The following TMPRSS13 variants were observed in gnomAD, a reference collection of about 807,000 sequenced individuals.
The protein encoded by TMPRSS13 is transmembrane protease serine 13.
In TMPRSS13, 50 loss-of-function variants were observed where a neutral mutation model predicts 68.4. The ratio of observed to expected loss-of-function variants is 0.73; its 90% confidence interval spans 0.58 to 0.93. The LOEUF is 0.93. Among genes scored for constraint, TMPRSS13 ranks in the 40% least tolerant of loss-of-function variants. The pLI is 0.00. For synonymous variants in TMPRSS13, 267 were observed against 285.8 expected, an observed-to-expected ratio of 0.93 and a Z score of 0.66; for missense variants, 615 against 729.2, an observed-to-expected ratio of 0.84 and a Z score of 1.80.
intron 5 of TMPRSS13, among the ~76,000 whole-genome samples, chr11:117,913,039 C>G (rs766666263): frequency 7.9e-5 from 12 of 152,252 alleles, no homozygotes; most frequent in Non-Finnish European, 1.3e-4. Context: ...AATCCTAACA[C>G]CCCACCCCAG....
At chr11:117,920,969 T>A (rs80151594) in intron 1 of TMPRSS13, among the ~76,000 whole-genome samples, 1,767 of 152,192 alleles carry the variant, frequency 0.012, 41 homozygotes, top group African/African-American at 0.04. Context: ...GATAAATGGG[T>A]GATACACATG....
chr11:117,920,680 AGTTTCACCAT>A (rs2057636028), intron 1 of TMPRSS13, among the ~76,000 whole-genome samples: 3 of 151,658 alleles, frequency 2.0e-5, no homozygotes. Context: ...GTAGAGATGG[AGTTTCACCAT>A]GTTGGCCAGG....
chr11:117,905,745 A>G lies in TMPRSS13; in HGVS notation c.1283-9T>C. ...AGCAGGGTGGATGTGAGCTGCAACA[A>G]GACCTCCAGACGTCAGTGAAGGAAC... On this transcript the variant is annotated splice_polypyrimidine_tract_variant and intron_variant, in intron 9 of 12. Transcript: ENST00000524993. 6.3e-7 allele frequency: 1 copy of G among 1,586,286 alleles called. No homozygotes were observed.
chr11:117,904,452 G>A (rs2057443447), intron 10 of TMPRSS13, among the ~76,000 whole-genome samples: 1 of 152,168 alleles, frequency 6.6e-6, no homozygotes, highest in Non-Finnish European at 1.5e-5. Context: ...TGGAAGCTAT[G>A]TGCCCTAAAG....
At position 117,915,054 on chromosome 11, in the gene TMPRSS13, C is replaced by T. The variant is rs2057563166; in HGVS notation, c.557-540G>A. On this transcript the variant is annotated intron_variant, in intron 3 of 12. Coordinates refer to ENST00000524993, the MANE Select transcript of TMPRSS13 (RefSeq NM_001077263.3). This position sits in a 1 kb window ranked among gnomAD's most constrained non-coding sequence, Gnocchi z 4.9. ...TTCTCCCTCTCCCCTGCGCAAGGGA[C>T]ACCTCTATGCTCAGTTCTTTCCCCA... 6.6e-6 allele frequency among the ~76,000 whole-genome samples: 1 copy of T among 152,236 alleles called. No individual in the cohort carries two copies. Among genetic ancestry groups the T allele is most frequent in the South Asian group, 2.1e-4 (1 of 4,838 alleles).
At position 117,914,493 on chromosome 11, in the gene TMPRSS13, G is replaced by C. The variant is rs775233755; in HGVS notation, c.578C>G (p.Thr193Arg). The C allele has an allele frequency of 1.2e-5, 19 of 1,613,868 alleles. No homozygotes were observed. The highest frequency in any genetic ancestry group is 1.0e-4 in the Admixed American group (6 of 60,000). ...IILFQFWQGH[T>R]GIRYKEQRES... is the part of the protein sequence containing the mutation. The stretch of plus-strand genomic sequence containing the variant: ...CCTCTGCTCCTTGTACCTGATCCCT[G>C]TGTGGCCCTGCCAGAACTGGACTAG... Residue 193 changes from threonine (T) to arginine (R), a missense_variant, in exon 4 of 13, where the codon ACA becomes AGA. Physicochemically the swap from Thr to Arg is moderately conservative, Grantham distance 71. Transcript: ENST00000524993. The surrounding 1 kb of genome is among the most constrained non-coding windows in gnomAD (Gnocchi z 4.2).
rs1025509114 is a variant in TMPRSS13 at position 117,922,382 on chromosome 11, G to A, written c.22-3544C>T. On this transcript the variant is annotated intron_variant, in intron 1 of 12. Coordinates refer to ENST00000524993, the MANE Select transcript of TMPRSS13 (RefSeq NM_001077263.3). The surrounding 1 kb of genome is among the most constrained non-coding windows in gnomAD (Gnocchi z 4.2). ...CCTGAGTACCTGGGACTACAGGCAC[G>A]CGCCACTGTGCCCAGCTAATTTTTG... Among the ~76,000 whole-genome samples the A allele has an allele frequency of 4.6e-5, 7 of 152,134 alleles. No individual in the cohort carries two copies. The highest frequency in any genetic ancestry group is 2.6e-4 in the Admixed American group (4 of 15,276).
Position 117,909,889 on chromosome 11 carries a change from A to C in TMPRSS13, c.1026T>G (p.Ser342Arg). 1 of 1,614,030 alleles carries C rather than the reference A, an allele frequency of 6.2e-7. No individual in the cohort carries two copies. The highest frequency in any genetic ancestry group is 1.1e-5 in the South Asian group (1 of 91,080). Residue 342 changes from serine (S) to arginine (R), a missense_variant, in exon 8 of 13, where the codon AGT becomes AGG. Ser to Arg is a moderately radical substitution (Grantham distance 110, BLOSUM62 -1). Coordinates refer to ENST00000524993, the MANE Select transcript of TMPRSS13 (RefSeq NM_001077263.3). ...ASDSKWPWQV[S>R]LHFGTTHICG... ...AGATGTGGGTGGTGCCGAAGTGCAGACTCACTTGCCAAGGCCACTTGCTAT... is the reference window on the plus strand; with the variant it reads ...AGATGTGGGTGGTGCCGAAGTGCAGCCTCACTTGCCAAGGCCACTTGCTAT...
intron 12 of TMPRSS13, chr11:117,903,387 G>A (rs2057427548): frequency 6.5e-7 from 1 of 1,533,918 alleles, no homozygotes; most frequent in Admixed American, 2.0e-5. Flanking sequence ...ATACTTCTGG[G>A]AGAACATCTG....
At chr11:117,913,239 C>T (rs1422839115) in intron 5 of TMPRSS13, among the ~76,000 whole-genome samples, 4 of 152,202 alleles carry the variant, frequency 2.6e-5, no homozygotes, top group Non-Finnish European at 4.4e-5. Context: ...TCACCTACTT[C>T]CTCCTCTACC....
chr11:117,907,940 T>C, intron 9 of TMPRSS13: 4 of 986,720 alleles, frequency 4.1e-6, no homozygotes, highest in Non-Finnish European at 3.6e-6. Context: ...TGACGTCCCC[T>C]GTCCACAGTG....
chr11:117,921,936 C>T (rs571834575), intron 1 of TMPRSS13, among the ~76,000 whole-genome samples: 30 of 152,284 alleles, frequency 2.0e-4, no homozygotes, highest in African/African-American at 7.0e-4. Context: ...CCGCTCCACC[C>T]CCTGACTCTG....
At chr11:117,903,582 G>T (rs1382907382) in intron 12 of TMPRSS13, 73 bp downstream of exon 12, 1 of 1,608,084 alleles carries the variant, frequency 6.2e-7, no homozygotes, top group South Asian at 1.1e-5. Context: ...TACAACCTGG[G>T]TGCTCCTCCA....
At chr11:117,907,472 T>A (rs1008208189) in intron 9 of TMPRSS13, 2 of 152,182 alleles carry the variant, frequency 1.3e-5, no homozygotes, top group African/African-American at 2.4e-5. Flanking sequence ...ACCGCCTCCA[T>A]AATTAATGTG....
At chr11:117,911,898 G>A (rs758764923) in intron 5 of TMPRSS13, 38 bp from the exon 6 acceptor site, 1 of 1,562,148 alleles carries the variant, frequency 6.4e-7, no homozygotes, top group Non-Finnish European at 8.8e-7. Context: ...GAGCCCCCTG[G>A]AGACAGAGTC....
At chr11:117,926,780 A>G (rs1006893957) in intron 1 of TMPRSS13, among the ~76,000 whole-genome samples, 2 of 152,194 alleles carry the variant, frequency 1.3e-5, no homozygotes, top group African/African-American at 2.4e-5. Flanking sequence ...GCTGAGGCAC[A>G]GGTAGAAGAA....
At chr11:117,927,180 T>C (rs1417116267) in intron 1 of TMPRSS13, among the ~76,000 whole-genome samples, 4 of 152,224 alleles carry the variant, frequency 2.6e-5, no homozygotes, top group Non-Finnish European at 5.9e-5. Context: ...CCTTTTTCCA[T>C]ACACTGCTTG....
At chr11:117,908,165 C>T in intron 9 of TMPRSS13, 1 of 719,282 alleles carries the variant, frequency 1.4e-6, no homozygotes. Context: ...TACTTGTGGC[C>T]TCAGGTAATT....
chr11:117,918,943 G>T (rs1441306428), intron 1 of TMPRSS13, 105 bp from the exon 2 acceptor site: 5 of 1,493,106 alleles, frequency 3.3e-6, no homozygotes, highest in Non-Finnish European at 4.5e-6. Flanking sequence ...CAGCAGCTAG[G>T]GGTTGAGCAA....
Sources: allele counts gnomAD v4.1 joint callset (sites outside exome capture counted in the v4.1 genomes callset), GRCh38; gene constraint gnomAD v4.1.1; non-coding constraint Gnocchi (gnomAD v3.1); transcripts MANE v1.5; gene names NCBI Gene and HGNC (gene_info 2026-07-23, HGNC 2026-07-21).